The following RAB13 variants were observed in gnomAD, a reference collection of about 807,000 sequenced individuals.
The protein encoded by RAB13 is RAB13, member RAS oncogene family, also known as ras-related protein Rab-13.
In RAB13, 15 loss-of-function variants were observed where a neutral mutation model predicts 29.3. The ratio of observed to expected loss-of-function variants is 0.51; its 90% CI spans 0.34 to 0.79. The LOEUF is 0.79. Among genes scored for constraint, RAB13 ranks in the 30% least tolerant of loss-of-function variants. The probability of loss-of-function intolerance (pLI) is 0.01; values close to 1 mark genes in which losing one functional copy is unlikely to be tolerated. For missense variants in RAB13, 186 were observed against 255.5 expected, an observed-to-expected ratio of 0.73 and a Z score of 1.85; for synonymous variants, 82 against 93.8, an observed-to-expected ratio of 0.87 and a Z score of 0.73.
At chr1:153,990,214 C>T (rs572228237), upstream of RAB13, among the ~76,000 whole-genome samples, 263 of 152,206 alleles carry the variant, frequency 1.7e-3, 1 homozygote, top group African/African-American at 6.1e-3. Context: ...TACAGGCACA[C>T]GCCACCACGC....
At chr1:153,987,040 T>A (rs577254403), upstream of RAB13, among the ~76,000 whole-genome samples, 1 of 152,302 alleles carries the variant, frequency 6.6e-6, no homozygotes, top group Admixed American at 6.5e-5. Context: ...CATGTGTGAT[T>A]TCTCTGACCA....
chr1:153,982,698 A>G (rs752569127), intron 5 of RAB13, 21 bp downstream of exon 5: 3 of 1,613,930 alleles, frequency 1.9e-6, no homozygotes, highest in Non-Finnish European at 2.5e-6. Context: ...GTTCTAGAAC[A>G]TTGCTCAGCC....
upstream of RAB13, chr1:153,986,493 G>C (rs1453331953): frequency 2.1e-6 from 1 of 487,056 alleles, no homozygotes; most frequent in Non-Finnish European, 3.7e-6. Flanking sequence ...AGGCCGGCCT[G>C]TCTCTCTCGC....
rs377035618 is a variant in RAB13 at position 153,982,710 on chromosome 1, G to T, written c.414+9C>A. On this transcript the variant is annotated intron_variant, in intron 5 of 7. Coordinates refer to ENST00000368575, the MANE Select transcript of RAB13 (RefSeq NM_002870.5). Reference sequence around the variant, plus strand: ...CCAGTTCTAGAACATTGCTCAGCCTGGCCCTCACCTTATCGGCCTGCTCCT... The same window carrying T: ...CCAGTTCTAGAACATTGCTCAGCCTTGCCCTCACCTTATCGGCCTGCTCCT... 130 of 1,613,972 alleles carry T rather than the reference G, an allele frequency of 8.1e-5. No homozygotes were observed. The highest frequency in any genetic ancestry group is 9.7e-5 in the Non-Finnish European group (114 of 1,179,936).
upstream of RAB13, among the ~76,000 whole-genome samples, chr1:153,987,515 C>CAAAAA (rs775480072): frequency 2.7e-4 from 26 of 96,894 alleles, no homozygotes; most frequent in South Asian, 3.4e-4. Flanking sequence ...GACTCCGTCT[C>CAAAAA]AAAAAAAAAA....
chr1:153,988,881 G>A (rs1187339020), upstream of RAB13, among the ~76,000 whole-genome samples: 1 of 149,394 alleles, frequency 6.7e-6, no homozygotes, highest in Non-Finnish European at 1.5e-5. Flanking sequence ...CAAAGGCCTG[G>A]GATTACAGGC....
At chr1:153,990,244 T>A (rs1649315850), upstream of RAB13, among the ~76,000 whole-genome samples, 1 of 152,188 alleles carries the variant, frequency 6.6e-6, no homozygotes, top group African/African-American at 2.4e-5. Context: ...TTTCGTATTT[T>A]TAGTAGAGAC....
upstream of RAB13, among the ~76,000 whole-genome samples, chr1:153,990,098 CAG>C (rs966936461): frequency 1.3e-5 from 2 of 152,062 alleles, no homozygotes; most frequent in African/African-American, 2.4e-5. Context: ...TTATTTAAGA[CAG>C]AGTCTTGTTC....
At chr1:153,983,421 A>C (rs1571128202) in intron 3 of RAB13, 100 bp downstream of exon 3, 1 of 1,470,788 alleles carries the variant, frequency 6.8e-7, no homozygotes, top group East Asian at 2.3e-5. Flanking sequence ...CCCACACTGC[A>C]CCCCTCCCAT....
At chr1:153,985,772 G>A (rs1649143335) in intron 1 of RAB13, among the ~76,000 whole-genome samples, 1 of 152,132 alleles carries the variant, frequency 6.6e-6, no homozygotes, top group Non-Finnish European at 1.5e-5. Context: ...CAGGAAACAT[G>A]GAGATAGGAT....
intron 2 of RAB13, 110 bp downstream of exon 2, chr1:153,984,611 C>T: frequency 1.0e-6 from 1 of 977,016 alleles, no homozygotes; most frequent in Middle Eastern, 2.1e-4. Flanking sequence ...CCTTCTAGCA[C>T]TTCTAGAAGG....
In RAB13 at chr1:153,982,550, A is replaced by G. The variant is rs780868590; in HGVS notation, c.465T>C (p.Ser155=). 8 of 1,608,358 alleles carry G rather than the reference A, an allele frequency of 5.0e-6. No individual in the cohort carries two copies. The South Asian group carries it at 8.8e-5, about 18-fold the overall frequency. Residue 155 remains serine, a synonymous_variant, in exon 6 of 8, where the codon AGT becomes AGC. Transcript: ENST00000368575. The stretch of plus-strand genomic sequence containing the variant: ...TGGATCTCACCTCATCCACATTCAT[A>G]CTGGATTTAGCACTAGTTTCGAAAA... ...IRFFETSAKS[S]MNVDEAFSSL...
upstream of RAB13, among the ~76,000 whole-genome samples, chr1:153,989,916 A>T (rs1468647092): frequency 6.6e-6 from 1 of 151,618 alleles, no homozygotes; most frequent in Non-Finnish European, 1.5e-5. Context: ...AATAAAAATA[A>T]AAAAAAAGAA....
upstream of RAB13, among the ~76,000 whole-genome samples, chr1:153,986,774 G>A (rs1649183142): frequency 6.6e-6 from 1 of 152,134 alleles, no homozygotes; most frequent in Admixed American, 6.6e-5. Context: ...GTTATCATCG[G>A]TTTCTGGGGC....
chr1:153,990,148 T>C (rs1483535246), upstream of RAB13, among the ~76,000 whole-genome samples: 1 of 150,434 alleles, frequency 6.6e-6, no homozygotes, highest in Non-Finnish European at 1.5e-5. Flanking sequence ...CTCACTGTAC[T>C]TCCGCCTCCC....
intron 1 of RAB13, chr1:153,985,132 C>A: frequency 1.9e-6 from 2 of 1,049,016 alleles, no homozygotes; most frequent in Non-Finnish European, 2.3e-6. Context: ...CTTTCACATT[C>A]CTCTTCTCTG....
intron 4 of RAB13, 27 bp downstream of exon 4, chr1:153,983,192 T>G (rs781547668): frequency 2.5e-5 from 40 of 1,588,086 alleles, no homozygotes; most frequent in Non-Finnish European, 3.5e-5. Flanking sequence ...CTAACCAGTT[T>G]CCCCATCTCT....
At chr1:153,985,895 G>C (rs1183876136) in intron 1 of RAB13, 1 of 611,630 alleles carries the variant, frequency 1.6e-6, no homozygotes, top group Admixed American at 3.6e-5. Flanking sequence ...ATGAGGAGCT[G>C]GCAGCAGTTG....
intron 3 of RAB13, 67 bp from the exon 4 acceptor site, chr1:153,983,363 C>T: frequency 1.3e-6 from 2 of 1,522,332 alleles, no homozygotes; most frequent in Middle Eastern, 1.7e-4. Context: ...CTGTAAGTGA[C>T]CCCGCATCCA....
Sources: allele counts gnomAD v4.1 joint callset (sites outside exome capture counted in the v4.1 genomes callset), GRCh38; gene constraint gnomAD v4.1.1; transcripts MANE v1.5; gene names NCBI Gene and HGNC (gene_info 2026-07-23, HGNC 2026-07-21).